Variants in THOC2 observed in about 807,000 individuals in gnomAD.
THOC2 encodes THO complex subunit 2, also known as THO complex 2.
THOC2 carries 10 observed loss-of-function variants against 128.4 expected under a neutral mutation model. The ratio of observed to expected loss-of-function variants is 0.08; its 90% confidence interval spans 0.05 to 0.13. The LOEUF (loss-of-function observed/expected upper bound fraction) is 0.13. Ranked by LOEUF, THOC2 falls within the 10% of genes least tolerant of loss-of-function variation. The probability of loss-of-function intolerance (pLI) is 1.00; values close to 1 mark genes in which losing one functional copy is unlikely to be tolerated. For synonymous variants in THOC2, 393 were observed against 396.9 expected, an observed-to-expected ratio of 0.99 and a Z score of 0.12; for missense variants, 535 against 1,155.7, an observed-to-expected ratio of 0.46 and a Z score of 7.79.
At chrX:123,629,104 A>G (rs1345557975) in intron 22 of THOC2, among the ~76,000 whole-genome samples, 2 of 108,358 alleles carry the variant, frequency 1.8e-5, no homozygotes, top group Non-Finnish European at 3.8e-5. Flanking sequence ...TGTATGCCAA[A>G]TATATTATAC....
intron 1 of THOC2, among the ~76,000 whole-genome samples, chrX:123,720,403 G>A (rs1368234692): frequency 2.7e-5 from 3 of 111,058 alleles, no homozygotes; most frequent in Non-Finnish European, 5.7e-5. Flanking sequence ...AGCTATGATT[G>A]CACCACTGCA....
At chrX:123,631,527 C>A (rs934498744) in intron 22 of THOC2, among the ~76,000 whole-genome samples, 161 bp downstream of exon 22, 12 of 111,588 alleles carry the variant, frequency 1.1e-4, no homozygotes, top group Admixed American at 7.6e-4. Context: ...TTTTGTATAC[C>A]TCTACCACAC....
chrX:123,712,229 C>T lies in THOC2; in HGVS notation c.130+621G>A, dbSNP rs59335302. Among the ~76,000 whole-genome samples, 659 of 111,501 alleles carry T rather than the reference C, an allele frequency of 5.9e-3. 3 individuals are homozygous for T. The highest frequency in any genetic ancestry group is 0.02 in the African/African-American group (603 of 30,791). ...ATGCTTTACACTTACTAGACACAAT[C>T]ACTTTTAGCTTTGCCCCTCCTTTGC... On this transcript the variant is annotated intron_variant, in intron 2 of 38. Transcript: ENST00000245838.
chrX:123,626,667 A>G lies in THOC2; in HGVS notation c.2758-5T>C, dbSNP rs764028001. The G allele has an allele frequency of 8.4e-7, 1 of 1,184,552 alleles. No homozygotes were observed. The highest frequency in any genetic ancestry group is 2.6e-5 in the Admixed American group (1 of 38,388). On this transcript the variant is annotated splice_region_variant and splice_polypyrimidine_tract_variant and intron_variant, in intron 23 of 38. Coordinates refer to ENST00000245838, the MANE Select transcript of THOC2 (RefSeq NM_001081550.2). ...TTTTTTCTTTTTATTTGGGGGCTAC[A>G]AAGAATTCAATTAGACACTTTTCTA...
intron 11 of THOC2, 56 bp downstream of exon 11, chrX:123,667,050 G>A: frequency 1.2e-6 from 1 of 845,182 alleles, no homozygotes; most frequent in Non-Finnish European, 1.7e-6. Flanking sequence ...TATACATTTT[G>A]TTGTAGTCCT....
At chrX:123,671,505 C>T (rs2049276549) in intron 9 of THOC2, among the ~76,000 whole-genome samples, 164 bp downstream of exon 9, 1 of 112,091 alleles carries the variant, frequency 8.9e-6, no homozygotes, top group African/African-American at 3.2e-5. Flanking sequence ...TAAATTTATT[C>T]ACTTTATAAA....
At chrX:123,601,928 C>T (rs1175126021) in intron 38 of THOC2, 3 of 112,546 alleles carry the variant, frequency 2.7e-5, no homozygotes, top group African/African-American at 9.7e-5. Flanking sequence ...GCAGTGTCTG[C>T]TAAATTATAA....
At chrX:123,608,054 G>A (rs1232084817) in intron 38 of THOC2, among the ~76,000 whole-genome samples, 1 of 110,331 alleles carries the variant, frequency 9.1e-6, no homozygotes, top group Non-Finnish European at 1.9e-5. Context: ...TTTCAGACCA[G>A]CCTGGGCAAC....
intron 8 of THOC2, among the ~76,000 whole-genome samples, chrX:123,677,656 G>A (rs1260713959): frequency 9.1e-6 from 1 of 110,383 alleles, no homozygotes; most frequent in African/African-American, 3.3e-5. Context: ...ATCACCTGAG[G>A]TCAGGAGTTC....
At position 123,639,030 on chromosome X, in the gene THOC2, G is replaced by A. The variant is rs1356451730; in HGVS notation, c.1747-3C>T. 1.8e-6 allele frequency: 2 copies of A among 1,089,723 alleles called. No homozygotes were observed. The highest frequency in any genetic ancestry group is 2.5e-6 in the Non-Finnish European group (2 of 795,714). The allele number at this position is 1,089,723 out of a possible 1,213,427, so 89.8% of individuals were successfully genotyped here. ...TACTTCTGTATTTGTGACAAGATCT[G>A]GAAAACAGCAACAAACAATAGAAGG... is the stretch of plus-strand genomic sequence containing the variant. On this transcript the variant is annotated splice_polypyrimidine_tract_variant and splice_region_variant and intron_variant, in intron 16 of 38. Coordinates refer to ENST00000245838, the MANE Select transcript of THOC2 (RefSeq NM_001081550.2).
chrX:123,708,625 AC>A (rs1266302705), intron 2 of THOC2, among the ~76,000 whole-genome samples: 3 of 111,711 alleles, frequency 2.7e-5, no homozygotes, highest in African/African-American at 9.7e-5. Flanking sequence ...TCTAATCTTA[AC>A]CACAGAAGGA....
intron 36 of THOC2, 135 bp downstream of exon 36, chrX:123,613,264 T>G (rs2046770395): frequency 3.2e-6 from 2 of 619,847 alleles, no homozygotes; most frequent in African/African-American, 4.6e-5. Context: ...ATGCCCTCCC[T>G]CAATACCTCT....
At chrX:123,708,736 TA>T (rs2051047474) in intron 2 of THOC2, among the ~76,000 whole-genome samples, 3 of 111,644 alleles carry the variant, frequency 2.7e-5, no homozygotes, top group African/African-American at 9.8e-5. Flanking sequence ...GAATAGTCCC[TA>T]AATCACAAGT....
chrX:123,713,996 C>T (rs1003276006), intron 1 of THOC2, among the ~76,000 whole-genome samples: 2 of 111,258 alleles, frequency 1.8e-5, no homozygotes, highest in Non-Finnish European at 3.8e-5. Context: ...TAAGAGATAC[C>T]ATAGGGATAC....
At chrX:123,727,018 A>G (rs1055278039) in intron 1 of THOC2, among the ~76,000 whole-genome samples, 10 of 110,718 alleles carry the variant, frequency 9.0e-5, no homozygotes, top group African/African-American at 3.3e-4. Flanking sequence ...TGGGCAATAT[A>G]GCAAAACCCC....
chrX:123,650,637 A>G (rs1182437822), intron 12 of THOC2, among the ~76,000 whole-genome samples: 1 of 111,929 alleles, frequency 8.9e-6, no homozygotes, highest in Non-Finnish European at 1.9e-5. Context: ...TAGAAAGCAA[A>G]AAAAGCAGAG....
chrX:123,623,671 C>T (rs1218628037), intron 28 of THOC2, 116 bp downstream of exon 28: 2 of 1,182,265 alleles, frequency 1.7e-6, no homozygotes, highest in Non-Finnish European at 2.3e-6. Flanking sequence ...ATCGCATAAT[C>T]TCCCATAATC....
intron 12 of THOC2, among the ~76,000 whole-genome samples, chrX:123,662,274 C>A (rs1226274940): frequency 9.0e-6 from 1 of 110,708 alleles, no homozygotes; most frequent in Non-Finnish European, 1.9e-5. Flanking sequence ...TTTCTTAGAG[C>A]ATGAAAAGCA....
chrX:123,718,713 C>T (rs1198056794), intron 1 of THOC2, among the ~76,000 whole-genome samples: 2 of 106,312 alleles, frequency 1.9e-5, no homozygotes, highest in African/African-American at 3.4e-5. Context: ...AAGCCAAGAT[C>T]GCGGCACTGC....
Sources: gnomAD v4.1 joint callset for allele counts (sites outside exome capture counted in the v4.1 genomes callset) on GRCh38, gnomAD v4.1.1 for gene constraint, MANE v1.5 for transcripts, NCBI Gene and HGNC (gene_info 2026-07-23, HGNC 2026-07-21) for gene names.